The following CNTN4 variants were observed in gnomAD, a reference collection of about 807,000 sequenced individuals.
The protein encoded by CNTN4 is contactin-4.
A neutral mutation model predicts 122.5 loss-of-function variants in CNTN4; 77 were observed. The observed-to-expected ratio is 0.63, with a 90% CI of 0.52 to 0.76. CNTN4 has a LOEUF of 0.76. CNTN4 is among the 30% of genes least tolerant of loss of function. The pLI, the probability that CNTN4 is intolerant of heterozygous loss-of-function variation, is 0.00. For missense variants in CNTN4, 1,256 were observed against 1,259.1 expected (o/e 1.00, Z 0.04); for synonymous variants, 512 against 447.0 (o/e 1.15, Z -1.83).
At chr3:2,548,290 G>C (rs755463081) in intron 3 of CNTN4, among the ~76,000 whole-genome samples, 1 of 152,090 alleles carries the variant, frequency 6.6e-6, no homozygotes, top group Non-Finnish European at 1.5e-5. Flanking sequence ...TTTTCTTCTA[G>C]GGTTTTTATG....
intron 3 of CNTN4, among the ~76,000 whole-genome samples, chr3:2,494,415 G>T (rs186153528): frequency 6.6e-6 from 1 of 152,300 alleles, no homozygotes; most frequent in East Asian, 1.9e-4. Context: ...CTTTGACAGG[G>T]TTAAGCTCTG....
chr3:2,147,179 T>C (rs1386564694), intron 2 of CNTN4, among the ~76,000 whole-genome samples: 7 of 152,110 alleles, frequency 4.6e-5, no homozygotes. Flanking sequence ...GTGCCTGGCC[T>C]CATTCCATAG....
intron 13 of CNTN4, among the ~76,000 whole-genome samples, chr3:2,940,990 G>C (rs1012441024): frequency 2.0e-5 from 3 of 152,134 alleles, no homozygotes; most frequent in Non-Finnish European, 4.4e-5. Flanking sequence ...TCCAAAAGAG[G>C]TGGTTTGTTC....
intron 14 of CNTN4, among the ~76,000 whole-genome samples, chr3:2,993,144 A>T (rs1695202615): frequency 6.6e-6 from 1 of 152,132 alleles, no homozygotes; most frequent in Non-Finnish European, 1.5e-5. Context: ...AAAGAACAAT[A>T]ATATTTTTGG....
At chr3:2,209,062 G>A (rs73807047) in intron 2 of CNTN4, among the ~76,000 whole-genome samples, 2,110 of 152,206 alleles carry the variant, frequency 0.014, 55 homozygotes, top group African/African-American at 0.048. Flanking sequence ...TATTCCTGTA[G>A]CCTGGGTAGG....
At chr3:2,818,019 G>A (rs2092777566) in intron 6 of CNTN4, among the ~76,000 whole-genome samples, 2 of 152,150 alleles carry the variant, frequency 1.3e-5, no homozygotes, top group South Asian at 4.1e-4. Context: ...TTTGTGCAGA[G>A]TATGTGTGTG....
At chr3:2,780,790 T>A (rs1048638090) in intron 6 of CNTN4, among the ~76,000 whole-genome samples, 5 of 152,206 alleles carry the variant, frequency 3.3e-5, no homozygotes, top group African/African-American at 1.2e-4. Context: ...ATAATACATT[T>A]TCATTTCCTG....
intron 2 of CNTN4, among the ~76,000 whole-genome samples, chr3:2,263,593 C>T (rs1153499): frequency 0.91 from 138,878 of 152,144 alleles, 63,769 homozygotes; most frequent in East Asian, 1. Context: ...AACTGGGATA[C>T]CTATTACCTC....
intron 2 of CNTN4, among the ~76,000 whole-genome samples, chr3:2,139,501 A>G (rs1182249714): frequency 6.6e-6 from 1 of 152,228 alleles, no homozygotes; most frequent in Non-Finnish European, 1.5e-5. Context: ...AGCAATGGCT[A>G]TGAACCCAGC....
At chr3:2,201,013 T>C (rs1212694257) in intron 2 of CNTN4, among the ~76,000 whole-genome samples, 2 of 152,202 alleles carry the variant, frequency 1.3e-5, no homozygotes, top group African/African-American at 4.8e-5. Context: ...TGTGAGACTT[T>C]AGGGGGATTG....
At chr3:2,489,886 G>A (rs2076266437) in intron 3 of CNTN4, among the ~76,000 whole-genome samples, 1 of 152,078 alleles carries the variant, frequency 6.6e-6, no homozygotes, top group Non-Finnish European at 1.5e-5. Flanking sequence ...TTGCCTATTT[G>A]ACCTTTACTC....
At chr3:2,396,684 A>G (rs1056391117) in intron 3 of CNTN4, among the ~76,000 whole-genome samples, 4 of 149,382 alleles carry the variant, frequency 2.7e-5, no homozygotes, top group South Asian at 4.2e-4. Context: ...AACCTCTCCT[A>G]GAACTCTTCT....
intron 4 of CNTN4, among the ~76,000 whole-genome samples, chr3:2,575,056 G>A (rs1444500545): frequency 6.6e-6 from 1 of 152,014 alleles, no homozygotes; most frequent in Admixed American, 6.6e-5. Context: ...AAAATAGGTA[G>A]AAGAGAAGAA....
intron 4 of CNTN4, among the ~76,000 whole-genome samples, chr3:2,595,783 C>T (rs561042940): frequency 6.6e-6 from 1 of 152,258 alleles, no homozygotes; most frequent in East Asian, 1.9e-4. Context: ...TTGAGTCAGT[C>T]CTGCTCATTT....
At chr3:2,465,123 A>G (rs1314742554) in intron 3 of CNTN4, among the ~76,000 whole-genome samples, 1 of 152,130 alleles carries the variant, frequency 6.6e-6, no homozygotes, top group Admixed American at 6.5e-5. Context: ...ATTTATGTAT[A>G]TTTTACTGCT....
chr3:2,999,921 G>A (rs1695874698), intron 14 of CNTN4, among the ~76,000 whole-genome samples: 1 of 152,144 alleles, frequency 6.6e-6, no homozygotes, highest in Non-Finnish European at 1.5e-5. Context: ...GACACATGCT[G>A]TTACTGATAA....
intron 2 of CNTN4, among the ~76,000 whole-genome samples, chr3:2,229,813 G>T (rs186254288): frequency 6.6e-6 from 1 of 152,188 alleles, no homozygotes; most frequent in East Asian, 1.9e-4. Flanking sequence ...ATTTTACAGG[G>T]TTTACAGGCC....
intron 2 of CNTN4, among the ~76,000 whole-genome samples, chr3:2,267,477 G>A (rs181483700): frequency 6.6e-6 from 1 of 152,124 alleles, no homozygotes; most frequent in East Asian, 1.9e-4. Context: ...TCCCAGTTTC[G>A]AATAGGATAT....
At chr3:2,173,508 A>G (rs541022156) in intron 2 of CNTN4, among the ~76,000 whole-genome samples, 11 of 152,184 alleles carry the variant, frequency 7.2e-5, no homozygotes, top group Non-Finnish European at 1.3e-4. Context: ...TGGTTTATTT[A>G]TCTTGGGCAG....
Sources: gnomAD v4.1 joint callset for allele counts (sites outside exome capture counted in the v4.1 genomes callset) on GRCh38, gnomAD v4.1.1 for gene constraint, MANE v1.5 for transcripts, NCBI Gene and HGNC (gene_info 2026-07-23, HGNC 2026-07-21) for gene names.